ECD: variants seen among roughly 807,000 people sequenced by gnomAD.
ECD encodes protein ecdysoneless homolog.
Under a neutral mutation model 77.2 loss-of-function variants are expected in ECD, and 59 were observed. That is an observed-to-expected ratio of 0.76 (90% CI 0.62 to 0.95). The LOEUF is 0.95. Ranked by LOEUF, ECD falls within the 40% of genes least tolerant of loss-of-function variation. The pLI is 0.00. For missense variants in ECD, 704 were observed against 763.4 expected (o/e 0.92, Z 0.92); for synonymous variants, 233 against 267.4 (o/e 0.87, Z 1.26).
intron 9 of ECD, among the ~76,000 whole-genome samples, chr10:73,143,712 T>C (rs2133253632): frequency 6.6e-6 from 1 of 151,892 alleles, no homozygotes; most frequent in South Asian, 2.1e-4. Flanking sequence ...CTATGTTAAA[T>C]GTATAATTAA....
chr10:73,151,548 T>C (rs887690925), intron 7 of ECD, among the ~76,000 whole-genome samples: 3 of 151,516 alleles, frequency 2.0e-5, no homozygotes, highest in African/African-American at 7.3e-5. Context: ...AAAGAAAATC[T>C]AGACATTCCT....
In ECD at chr10:73,133,804, CCAAT is replaced by C. The variant is rs958252746; in HGVS notation, c.*775_*778del. The C allele has an allele frequency of 6.6e-6, 1 of 151,774 alleles. No homozygotes were observed. Among genetic ancestry groups the C allele is most frequent in the Non-Finnish European group, 1.5e-5 (1 of 67,964 alleles). The allele number at this position is 151,774 out of a possible 1,614,324, so 9.4% of individuals were successfully genotyped here. ...TATATCAGTTATATTAAATATCAAACCAATTAATTAATTAAAACAATTAAGTACA... is the reference window on the plus strand; with the variant it reads ...TATATCAGTTATATTAAATATCAAACTAATTAATTAAAACAATTAAGTACA... On this transcript the variant is annotated 3_prime_UTR_variant, in exon 14 of 14. Transcript: ENST00000372979.
At chr10:73,164,491 G>A (rs111959734) in intron 1 of ECD, among the ~76,000 whole-genome samples, 15,967 of 151,792 alleles carry the variant, frequency 0.11, 1,234 homozygotes, top group East Asian at 0.3. Context: ...ATTTGAGATG[G>A]AGTTTCACTC....
intron 1 of ECD, among the ~76,000 whole-genome samples, chr10:73,165,231 A>G (rs1015159615): frequency 6.6e-6 from 1 of 152,244 alleles, no homozygotes; most frequent in African/African-American, 2.4e-5. Flanking sequence ...TGTATGGCGT[A>G]GAGGAATTCA....
At chr10:73,159,559 A>C (rs1231226968) in intron 3 of ECD, among the ~76,000 whole-genome samples, 9 of 152,138 alleles carry the variant, frequency 5.9e-5, no homozygotes, top group Admixed American at 5.9e-4. Flanking sequence ...GTTTTTTCAT[A>C]ATTAGAACTT....
chr10:73,140,481 G>A (rs1210161218), intron 9 of ECD, among the ~76,000 whole-genome samples: 1 of 151,236 alleles, frequency 6.6e-6, no homozygotes, highest in Non-Finnish European at 1.5e-5. Context: ...TTGAGGTCAG[G>A]AGTTCACTTG....
At chr10:73,146,609 GT>G (rs937861975) in intron 8 of ECD, among the ~76,000 whole-genome samples, 3 of 152,130 alleles carry the variant, frequency 2.0e-5, no homozygotes, top group African/African-American at 7.2e-5. Context: ...AGTTTGGAAA[GT>G]TTTCCACCAT....
chr10:73,142,583 G>A (rs1439935820), intron 9 of ECD, among the ~76,000 whole-genome samples: 1 of 146,236 alleles, frequency 6.8e-6, no homozygotes, highest in Non-Finnish European at 1.5e-5. Context: ...GCGGTGAGCT[G>A]AGATCGTGCC....
chr10:73,147,282 T>C (rs545021803), intron 8 of ECD, among the ~76,000 whole-genome samples: 2 of 152,254 alleles, frequency 1.3e-5, no homozygotes, highest in East Asian at 3.9e-4. Context: ...GCACGGTGGC[T>C]CACGCCTGTA....
At chr10:73,157,716 C>A (rs1045565223) in intron 3 of ECD, among the ~76,000 whole-genome samples, 2 of 145,400 alleles carry the variant, frequency 1.4e-5, no homozygotes, top group African/African-American at 5.4e-5. Context: ...GAGCGAAACT[C>A]CATCTCAAAA....
intron 7 of ECD, among the ~76,000 whole-genome samples, chr10:73,151,136 A>G (rs1564663896): frequency 1.3e-5 from 2 of 152,104 alleles, no homozygotes; most frequent in Non-Finnish European, 2.9e-5. Flanking sequence ...CAAATGTCCA[A>G]CAATGATAGA....
At chr10:73,151,065 A>G (rs560233078) in intron 7 of ECD, among the ~76,000 whole-genome samples, 4 of 152,282 alleles carry the variant, frequency 2.6e-5, no homozygotes, top group African/African-American at 9.6e-5. Flanking sequence ...TGCTATAAAG[A>G]CACATGCACA....
intron 3 of ECD, among the ~76,000 whole-genome samples, chr10:73,159,642 A>ATTT (rs1169258127): frequency 4.0e-5 from 5 of 123,630 alleles, no homozygotes; most frequent in Admixed American, 8.1e-5. Context: ...CAGTACTTTA[A>ATTT]TTTTTTTTTT....
At chr10:73,149,993 G>A (rs960510513) in intron 7 of ECD, among the ~76,000 whole-genome samples, 2 of 152,002 alleles carry the variant, frequency 1.3e-5, no homozygotes, top group Non-Finnish European at 2.9e-5. Flanking sequence ...AGCTACCAAT[G>A]ACTTTCTTCA....
rs958627023 is a variant in ECD at position 73,158,609 on chromosome 10, G to A, written c.323+1825C>T. Among the ~76,000 whole-genome samples the A allele has an allele frequency of 2.0e-5, 3 of 151,986 alleles. 1 individual carries two copies. Among genetic ancestry groups the A allele is most frequent in the South Asian group, 4.2e-4 (2 of 4,810 alleles). On this transcript the variant is annotated intron_variant, in intron 3 of 13. Transcript: ENST00000372979. ...AAATTAGCCAGGTGTGGTGGTGCAC[G>A]CCCATAGCCCCAGCTACTCAGGAGG...
chr10:73,153,486 C>G (rs1294863726), intron 6 of ECD, among the ~76,000 whole-genome samples: 1 of 151,360 alleles, frequency 6.6e-6, no homozygotes. Flanking sequence ...CCTGTAATCC[C>G]AGCACTTTGG....
intron 12 of ECD, among the ~76,000 whole-genome samples, chr10:73,137,391 A>T (rs1842988229): frequency 6.6e-6 from 1 of 152,208 alleles, no homozygotes; most frequent in South Asian, 2.1e-4. Context: ...TTTATTACTG[A>T]TTTGTAAGTA....
In ECD at chr10:73,134,647, C is replaced by T; in HGVS notation, c.1871G>A (p.Ser624Asn). 1 of 1,614,188 alleles carries T rather than the reference C, an allele frequency of 6.2e-7. No individual in the cohort carries two copies. Among genetic ancestry groups the T allele is most frequent in the Non-Finnish European group, 8.5e-7 (1 of 1,180,032 alleles). The change falls in exon 14 of 14, where the codon AGC becomes AAC. Residue 624 changes from serine (S) to asparagine (N), a missense_variant. Physicochemically the swap from Ser to Asn is conservative, Grantham distance 46. Transcript: ENST00000372979. The stretch of plus-strand genomic sequence containing the variant: ...GTTGTCAGGCAGCTGCACTCCCATG[C>T]TTTGTAAAAGATTGGAAGCAGGTCC... The part of the protein sequence containing the change: ...LAGPASNLLQ[S>N]MGVQLPDNTD...
At chr10:73,147,531 C>A (rs1473889779) in intron 8 of ECD, among the ~76,000 whole-genome samples, 1 of 149,934 alleles carries the variant, frequency 6.7e-6, no homozygotes, top group Non-Finnish European at 1.5e-5. Flanking sequence ...GCCTAGGCGA[C>A]AAGAGCAAAA....
Sources: gnomAD v4.1 joint callset for allele counts (sites outside exome capture counted in the v4.1 genomes callset) on GRCh38, gnomAD v4.1.1 for gene constraint, MANE v1.5 for transcripts, NCBI Gene and HGNC (gene_info 2026-07-23, HGNC 2026-07-21) for gene names.